The following LRMDA variants were observed in gnomAD, a reference collection of about 807,000 sequenced individuals.
LRMDA encodes the protein leucine rich melanocyte differentiation associated.
LRMDA carries 18 observed loss-of-function variants against 29.8 expected under a neutral mutation model. The observed-to-expected ratio is 0.60, with a 90% confidence interval of 0.42 to 0.90. LRMDA has a LOEUF of 0.90. LRMDA is among the 40% of genes least tolerant of loss of function. The pLI is 0.00. For missense variants in LRMDA, 273 were observed against 273.9 expected (o/e 1.00, Z 0.02); for synonymous variants, 125 against 109.4 (o/e 1.14, Z -0.89).
chr10:75,728,294 A>G (rs180723815), intron 2 of LRMDA, among the ~76,000 whole-genome samples: 1 of 152,308 alleles, frequency 6.6e-6, no homozygotes, highest in East Asian at 1.9e-4. Context: ...ACCCAGACCA[A>G]CAGTGATGAG....
intron 2 of LRMDA, among the ~76,000 whole-genome samples, chr10:75,772,750 T>TC (rs1843257277): frequency 6.6e-6 from 1 of 151,918 alleles, no homozygotes; most frequent in Non-Finnish European, 1.5e-5. Flanking sequence ...GCTTTCAATA[T>TC]CCTGTCATTT....
At chr10:76,190,729 A>G (rs1053394752) in intron 5 of LRMDA, among the ~76,000 whole-genome samples, 1 of 152,156 alleles carries the variant, frequency 6.6e-6, no homozygotes, top group Non-Finnish European at 1.5e-5. Context: ...TCAGAGGGGG[A>G]AAGAGGGTAT....
chr10:76,129,592 A>G (rs1849949056), intron 5 of LRMDA, among the ~76,000 whole-genome samples: 1 of 152,168 alleles, frequency 6.6e-6, no homozygotes, highest in South Asian at 2.1e-4. Flanking sequence ...AGAAATACCC[A>G]GAACCACTGT....
chr10:75,719,741 G>A lies in LRMDA; in HGVS notation c.131+281247G>A, dbSNP rs950926483. Among the ~76,000 whole-genome samples, 6 of 152,298 alleles carry A rather than the reference G, an allele frequency of 3.9e-5. No individual in the cohort carries two copies. The East Asian group carries it at 1.2e-3, about 29-fold the overall frequency. ...CTCCTGTTGCCGTGGGATGGCCATG[G>A]CCTACCCAGTCTGAGGGGACAGCTT... On this transcript the variant is annotated intron_variant, in intron 2 of 6. Transcript: ENST00000611255.
intron 5 of LRMDA, among the ~76,000 whole-genome samples, chr10:76,157,804 G>A (rs1017539377): frequency 2.0e-5 from 3 of 152,106 alleles, no homozygotes; most frequent in Non-Finnish European, 4.4e-5. Context: ...AGGTGATTTT[G>A]TCATTGTGTG....
rs1194974985 is a variant in LRMDA at position 75,712,700 on chromosome 10, A to G, written c.131+274206A>G. Among the ~76,000 whole-genome samples the G allele has an allele frequency of 5.9e-5, 9 of 152,332 alleles. No individual in the cohort carries two copies. In the East Asian group the frequency reaches 1.5e-3, roughly 26 times the overall value. ...TTACTTACTGCTAACTGAACACCCA[A>G]GGACCGTTTGCATCTTTGCAGATTT... On this transcript the variant is annotated intron_variant, in intron 2 of 6. Transcript: ENST00000611255.
At chr10:76,205,055 A>T (rs1289280033) in intron 5 of LRMDA, among the ~76,000 whole-genome samples, 3 of 152,196 alleles carry the variant, frequency 2.0e-5, no homozygotes, top group Non-Finnish European at 4.4e-5. Context: ...AGGGAGACAG[A>T]GGCCCCTAGC....
At chr10:75,619,355 G>C (rs1421630986) in intron 2 of LRMDA, among the ~76,000 whole-genome samples, 1 of 152,082 alleles carries the variant, frequency 6.6e-6, no homozygotes, top group Non-Finnish European at 1.5e-5. Context: ...GTATCTGCTG[G>C]ATACTCTCAA....
chr10:75,616,249 T>TAGCAGC lies in LRMDA; in HGVS notation c.131+177785_131+177790dup, dbSNP rs58265820. ...ACAGTAATAGTAGCAGTAGCAGCAG[T>TAGCAGC]AGCAGCAGCAGCAGCAGCAGCAGCA... On this transcript the variant is annotated intron_variant, in intron 2 of 6. Transcript: ENST00000611255. Among the ~76,000 whole-genome samples the TAGCAGC allele has an allele frequency of 9.8e-3, 1,476 of 150,412 alleles. 24 individuals are homozygous for TAGCAGC. Among genetic ancestry groups the TAGCAGC allele is most frequent in the African/African-American group, 0.032 (1,293 of 40,454 alleles).
intron 2 of LRMDA, among the ~76,000 whole-genome samples, chr10:75,873,028 C>G (rs907435790): frequency 6.6e-6 from 1 of 152,042 alleles, no homozygotes; most frequent in Non-Finnish European, 1.5e-5. Context: ...TATAATCATG[C>G]TTTTGCATGC....
intron 5 of LRMDA, among the ~76,000 whole-genome samples, chr10:76,142,484 T>C (rs1430844910): frequency 6.7e-6 from 1 of 149,748 alleles, no homozygotes; most frequent in South Asian, 2.1e-4. Context: ...TGGGGCTGTT[T>C]AAAACTTTGG....
chr10:75,874,400 C>A (rs1189955342), intron 2 of LRMDA, among the ~76,000 whole-genome samples: 7 of 152,184 alleles, frequency 4.6e-5, no homozygotes, highest in African/African-American at 7.2e-5. Context: ...CATCTAGACA[C>A]CTGTGTAACT....
chr10:75,802,349 AC>A (rs1843767896), intron 2 of LRMDA, among the ~76,000 whole-genome samples: 1 of 139,484 alleles, frequency 7.2e-6, no homozygotes, highest in Non-Finnish European at 1.5e-5. Context: ...ACACACACAC[AC>A]ACACACACAC....
chr10:76,483,443 G>C (rs1332702364), intron 6 of LRMDA, among the ~76,000 whole-genome samples: 1 of 151,824 alleles, frequency 6.6e-6, no homozygotes, highest in Non-Finnish European at 1.5e-5. Context: ...CAACAAGCTG[G>C]AGCTACACGG....
At chr10:76,006,463 C>G (rs1166404332) in intron 2 of LRMDA, among the ~76,000 whole-genome samples, 1 of 152,158 alleles carries the variant, frequency 6.6e-6, no homozygotes, top group Non-Finnish European at 1.5e-5. Flanking sequence ...ACCAAGTAAA[C>G]TAACTATTCT....
chr10:75,832,163 C>T (rs544455620), intron 2 of LRMDA, among the ~76,000 whole-genome samples: 21 of 152,276 alleles, frequency 1.4e-4, no homozygotes, highest in South Asian at 4.1e-4. Context: ...TACAAATTTT[C>T]GAAATTTTAA....
chr10:76,075,101 A>G (rs1848936424), intron 5 of LRMDA, among the ~76,000 whole-genome samples: 1 of 152,180 alleles, frequency 6.6e-6, no homozygotes, highest in Non-Finnish European at 1.5e-5. Context: ...AGGCATATGA[A>G]CATTCATAAC....
At chr10:75,502,322 A>G (rs967914697) in intron 2 of LRMDA, among the ~76,000 whole-genome samples, 1 of 152,178 alleles carries the variant, frequency 6.6e-6, no homozygotes, top group Non-Finnish European at 1.5e-5. Flanking sequence ...ACTGTTGTTC[A>G]TGATCTATTT....
At chr10:75,711,942 G>A (rs1220334353) in intron 2 of LRMDA, among the ~76,000 whole-genome samples, 3 of 150,494 alleles carry the variant, frequency 2.0e-5, no homozygotes, top group African/African-American at 4.9e-5. Context: ...ACACACACAC[G>A]TATATATGTT....
Sources: gnomAD v4.1 joint callset for allele counts (sites outside exome capture counted in the v4.1 genomes callset) on GRCh38, gnomAD v4.1.1 for gene constraint, MANE v1.5 for transcripts, NCBI Gene and HGNC (gene_info 2026-07-23, HGNC 2026-07-21) for gene names.